UPK3A: variants seen among roughly 807,000 people sequenced by gnomAD.
UPK3A encodes the protein uroplakin-3a.
Under a neutral mutation model 27.6 loss-of-function variants are expected in UPK3A, and 32 were observed. That is an observed-to-expected ratio of 1.16 (90% CI 0.87 to 1.55). The LOEUF (loss-of-function observed/expected upper bound fraction) is 1.55, where lower values mean the gene tolerates loss of function less well. Ranked by LOEUF, UPK3A falls within the 40% of genes most tolerant of loss-of-function variation. The pLI is 0.00. For synonymous variants in UPK3A, 171 were observed against 163.9 expected, an observed-to-expected ratio of 1.04 and a Z score of -0.33; for missense variants, 370 against 367.9, an observed-to-expected ratio of 1.01 and a Z score of -0.05.
chr22:45,290,208 C>CA (rs2084150616), intron 4 of UPK3A, among the ~76,000 whole-genome samples: 1 of 152,170 alleles, frequency 6.6e-6, no homozygotes, highest in African/African-American at 2.4e-5. Flanking sequence ...ACAGGGGCCA[C>CA]GCCAGGGTCT....
At position 45,285,181 on chromosome 22, in the gene UPK3A, T is replaced by C; in HGVS notation, c.52+116T>C. On this transcript the variant is annotated intron_variant, in intron 1 of 5. Transcript: ENST00000216211. ...GCTGGGGACCCAGATATTACTGTTA[T>C]GAATAATAGTGATAGCCAACGTTTA... 4 of 954,522 alleles carry C rather than the reference T, an allele frequency of 4.2e-6. No homozygotes were observed. In the South Asian group the frequency reaches 6.6e-5, roughly 16 times the overall value. The allele number at this position is 954,522 out of a possible 1,614,324, so 59.1% of individuals were successfully genotyped here. A position where few individuals can be genotyped will look rare whatever the true frequency, so the allele number is the denominator to read the frequency against.
At position 45,289,081 on chromosome 22, in the gene UPK3A, A is replaced by G. The variant is rs746505529; in HGVS notation, c.509A>G (p.Asn170Ser). The G allele has an allele frequency of 6.2e-7, 1 of 1,613,988 alleles. No individual in the cohort carries two copies. The highest frequency in any genetic ancestry group is 1.1e-5 in the South Asian group (1 of 91,086). ...TCCAGGTTCAAGTATGTCCTGGTCAATATGTCCACGGGCTTGGTAGAGGAC... is the reference window on the plus strand; with the variant it reads ...TCCAGGTTCAAGTATGTCCTGGTCAGTATGTCCACGGGCTTGGTAGAGGAC... ...TEYRFKYVLVNMSTGLVEDQT... is the reference protein window; with the variant it reads ...TEYRFKYVLVSMSTGLVEDQT... Residue 170 changes from asparagine to serine, a missense_variant, in exon 4 of 6, where the codon AAT becomes AGT. Physicochemically the swap from Asn to Ser is conservative, Grantham distance 46. Transcript: ENST00000216211.
In UPK3A at chr22:45,285,027, G is replaced by C; in HGVS notation, c.14G>C (p.Trp5Ser). MPPL[W>S]ALLALGCLRF... is the part of the protein sequence containing the mutation. ...TCCTCCCGGGCGATGCCTCCGCTCTGGGCCCTGCTGGCCCTCGGCTGCCTG... is the reference window on the plus strand; with the variant it reads ...TCCTCCCGGGCGATGCCTCCGCTCTCGGCCCTGCTGGCCCTCGGCTGCCTG... The change falls in exon 1 of 6, where the codon TGG (tryptophan) becomes TCG (serine). Residue 5 changes from tryptophan to serine, a missense_variant. Transcript: ENST00000216211. 6.5e-7 allele frequency: 1 copy of C among 1,534,138 alleles called. No individual in the cohort carries two copies. The highest frequency in any genetic ancestry group is 8.7e-7 in the Non-Finnish European group (1 of 1,147,034).
At chr22:45,290,731 G>A (rs907218925) in intron 4 of UPK3A, among the ~76,000 whole-genome samples, 2 of 152,128 alleles carry the variant, frequency 1.3e-5, no homozygotes, top group African/African-American at 2.4e-5. Context: ...AGCAGTGGGC[G>A]AGTGAAACTT....
rs2084108494 is a variant in UPK3A at position 45,285,072 on chromosome 22, G to A, written c.52+7G>A. ...TGCCTGCGGTTCGGCTCGGGTAGGC[G>A]GTGAAGGGCAGGAGGGGGCTGAGCC... On this transcript the variant is annotated splice_region_variant and intron_variant, in intron 1 of 5. Coordinates refer to ENST00000216211, the MANE Select transcript of UPK3A (RefSeq NM_006953.4). 6.5e-7 allele frequency: 1 copy of A among 1,535,794 alleles called. No homozygotes were observed. The highest frequency in any genetic ancestry group is 8.7e-7 in the Non-Finnish European group (1 of 1,147,688).
At position 45,293,178 on chromosome 22, in the gene UPK3A, C is replaced by T; in HGVS notation, c.572-3C>T. 1 of 1,613,706 alleles carries T rather than the reference C, an allele frequency of 6.2e-7. No individual in the cohort carries two copies. The highest frequency in any genetic ancestry group is 8.5e-7 in the Non-Finnish European group (1 of 1,180,034). On this transcript the variant is annotated splice_polypyrimidine_tract_variant and splice_region_variant and intron_variant, in intron 4 of 5. Transcript: ENST00000216211. ...GAAGTAACCGGGCTGCATCCCACCA[C>T]AGTCACCCCATACTCGACGATCGAC...
Position 45,287,288 on chromosome 22 carries a change from C to T in UPK3A, c.325C>T (p.Pro109Ser), listed in dbSNP as rs1489041291. The T allele has an allele frequency of 6.2e-7, 1 of 1,614,084 alleles. No individual in the cohort carries two copies. The highest frequency in any genetic ancestry group is 2.2e-5 in the East Asian group (1 of 44,894). ...PYKAVAFDLI[P>S]CSDLPSLDAI... Reference sequence around the variant, plus strand: ...CAAAGCTGTGGCCTTTGACCTGATCCCCTGCAGTGACCTGCCCAGCCTGGA... The same window carrying T: ...CAAAGCTGTGGCCTTTGACCTGATCTCCTGCAGTGACCTGCCCAGCCTGGA... The change falls in exon 3 of 6, where the codon CCC becomes TCC. Residue 109 changes from proline (P) to serine (S), a missense_variant. Coordinates refer to ENST00000216211, the MANE Select transcript of UPK3A (RefSeq NM_006953.4).
chr22:45,290,223 T>C (rs535605283), intron 4 of UPK3A, among the ~76,000 whole-genome samples: 22 of 152,240 alleles, frequency 1.4e-4, no homozygotes, highest in African/African-American at 4.3e-4. Flanking sequence ...GGGTCTTTGA[T>C]GGTAATTTTG....
chr22:45,293,156 G>A (rs771282493), intron 4 of UPK3A, 25 bp from the exon 5 acceptor site: 26 of 1,612,674 alleles, frequency 1.6e-5, no homozygotes, highest in Non-Finnish European at 2.2e-5. Context: ...TGTCTGGGAA[G>A]TAACCGGGCT....
In UPK3A at chr22:45,295,702, A is replaced by G. The variant is rs765914364; in HGVS notation, c.847A>G (p.Ser283Gly). 2.5e-6 allele frequency: 4 copies of G among 1,613,950 alleles called. No homozygotes were observed. The highest frequency in any genetic ancestry group is 3.4e-6 in the Non-Finnish European group (4 of 1,180,020). Residue 283 changes from serine (S) to glycine (G), a missense_variant, in exon 6 of 6, where the codon AGC becomes GGC. Physicochemically the swap from Ser to Gly is moderately conservative, Grantham distance 56. Coordinates refer to ENST00000216211, the MANE Select transcript of UPK3A (RefSeq NM_006953.4). ...PPLDRAEVYS[S>G]KLQD ...ACTGGACAGGGCTGAGGTGTATTCC[A>G]GCAAGCTCCAAGACTGAGCCCAGCA...
intron 4 of UPK3A, among the ~76,000 whole-genome samples, chr22:45,290,408 G>T (rs191771303): frequency 6.6e-6 from 1 of 152,316 alleles, no homozygotes; most frequent in Admixed American, 6.5e-5. Context: ...GAAGTCACAC[G>T]CGAGTGGGTG....
chr22:45,294,417 C>A (rs904195091), intron 5 of UPK3A, among the ~76,000 whole-genome samples: 56 of 151,774 alleles, frequency 3.7e-4, no homozygotes, highest in South Asian at 2.1e-3. Context: ...TGGTACACCC[C>A]CCCCGGGAGA....
Position 45,289,144 on chromosome 22 carries a change from G to C in UPK3A, c.571+1G>C. ...TCAGACCCCATCCGCACCAACCAGC[G>C]TAAGTGGTGGGCAGTGGTGGTGGTG... is the stretch of plus-strand genomic sequence containing the variant. On this transcript the variant is annotated splice_donor_variant, in intron 4 of 5. Coordinates refer to ENST00000216211, the MANE Select transcript of UPK3A (RefSeq NM_006953.4). LOFTEE classifies it high-confidence loss of function. 6.2e-7 allele frequency: 1 copy of C among 1,613,932 alleles called. No homozygotes were observed. Among genetic ancestry groups the C allele is most frequent in the South Asian group, 1.1e-5 (1 of 91,086 alleles).
chr22:45,291,769 G>A (rs1175233335), intron 4 of UPK3A, among the ~76,000 whole-genome samples: 1 of 149,326 alleles, frequency 6.7e-6, no homozygotes, highest in Non-Finnish European at 1.5e-5. Flanking sequence ...GGTATGCGTG[G>A]TGTGTGGTGT....
At chr22:45,285,900 T>C (rs1601846315) in intron 1 of UPK3A, 41 bp from the exon 2 acceptor site, 1 of 1,612,582 alleles carries the variant, frequency 6.2e-7, no homozygotes, top group Non-Finnish European at 8.5e-7. Flanking sequence ...GTGTGGACAG[T>C]TCTGCCGGAG....
At position 45,286,020 on chromosome 22, in the gene UPK3A, G is replaced by T; in HGVS notation, c.132G>T (p.Lys44Asn). 1 of 1,614,140 alleles carries T rather than the reference G, an allele frequency of 6.2e-7. No individual in the cohort carries two copies. Among genetic ancestry groups the T allele is most frequent in the Non-Finnish European group, 8.5e-7 (1 of 1,180,024 alleles). ...NPTLTTVALEKPLCMFDSKEA... is the reference protein window; with the variant it reads ...NPTLTTVALENPLCMFDSKEA... ...CACTTACCACTGTGGCCTTGGAAAA[G>T]CCTCTCTGCATGTTTGACAGCAAAG... is the stretch of plus-strand genomic sequence containing the variant. The change falls in exon 2 of 6, where the codon AAG becomes AAT. Residue 44 changes from lysine to asparagine, a missense_variant. Lys to Asn is a moderately conservative substitution (Grantham distance 94). Coordinates refer to ENST00000216211, the MANE Select transcript of UPK3A (RefSeq NM_006953.4).
chr22:45,286,317 C>T (rs2084117642), intron 2 of UPK3A, among the ~76,000 whole-genome samples: 1 of 152,192 alleles, frequency 6.6e-6, no homozygotes, highest in Admixed American at 6.5e-5. Flanking sequence ...AGGCACTTTG[C>T]ACACCATAGA....
At chr22:45,293,650 G>GT (rs1402767412) in intron 5 of UPK3A, among the ~76,000 whole-genome samples, 2 of 152,106 alleles carry the variant, frequency 1.3e-5, no homozygotes, top group Non-Finnish European at 2.9e-5. Context: ...TTCCCCATCT[G>GT]GAAAATGGAA....
At chr22:45,289,253 C>A in intron 4 of UPK3A, 110 bp downstream of exon 4, 2 of 1,123,434 alleles carry the variant, frequency 1.8e-6, no homozygotes, top group Non-Finnish European at 2.6e-6. Context: ...CCTCCCAGGC[C>A]AGGCAGTGAT....
Sources: gnomAD v4.1 joint callset for allele counts (sites outside exome capture counted in the v4.1 genomes callset) on GRCh38, gnomAD v4.1.1 for gene constraint, MANE v1.5 for transcripts, NCBI Gene and HGNC (gene_info 2026-07-23, HGNC 2026-07-21) for gene names.